The following SPTBN2 variants were observed in gnomAD, a reference collection of about 807,000 sequenced individuals.
SPTBN2 encodes spectrin beta chain, non-erythrocytic 2.
SPTBN2 carries 107 observed loss-of-function variants against 284.2 expected under a neutral mutation model. The ratio of observed to expected loss-of-function variants is 0.38; its 90% confidence interval spans 0.32 to 0.44. The LOEUF is 0.44. Among genes scored for constraint, SPTBN2 ranks in the 20% least tolerant of loss-of-function variants. SPTBN2 has a pLI of 1.00. For synonymous variants in SPTBN2, 1,289 were observed against 1,354.8 expected (o/e 0.95, Z 1.07); for missense variants, 2,569 against 3,287.1 (o/e 0.78, Z 5.34).
At chr11:66,690,010 G>A (rs372778830) in intron 28 of SPTBN2, 29 bp downstream of exon 28, 13 of 1,614,046 alleles carry the variant, frequency 8.1e-6, no homozygotes, top group Middle Eastern at 1.6e-4. Flanking sequence ...CACACAACCC[G>A]TGGAGGCCCT....
intron 27 of SPTBN2, among the ~76,000 whole-genome samples, chr11:66,690,907 T>C (rs1460089809): frequency 6.6e-6 from 1 of 152,170 alleles, no homozygotes; most frequent in Non-Finnish European, 1.5e-5. Context: ...AACCTCCGCC[T>C]CCTGGGTTCA....
At chr11:66,744,115 C>T (rs977771871) in intron 1 of SPTBN2, among the ~76,000 whole-genome samples, 1 of 152,192 alleles carries the variant, frequency 6.6e-6, no homozygotes, top group Non-Finnish European at 1.5e-5. Flanking sequence ...CTCGCTTCGG[C>T]CTCCAAAAGT....
At chr11:66,706,321 T>C (rs1256339736) in intron 13 of SPTBN2, among the ~76,000 whole-genome samples, 4 of 152,210 alleles carry the variant, frequency 2.6e-5, no homozygotes, top group African/African-American at 9.6e-5. Flanking sequence ...CAAAACCTTC[T>C]AATCACTTTA....
chr11:66,689,206 G>A, intron 29 of SPTBN2, 26 bp from the exon 30 acceptor site: 2 of 1,590,156 alleles, frequency 1.3e-6, no homozygotes, highest in East Asian at 2.3e-5. Context: ...AGAGATATGA[G>A]TTAGCACCAG....
chr11:66,686,968 C>T (rs371580792), intron 36 of SPTBN2, 26 bp downstream of exon 36: 1 of 1,613,406 alleles, frequency 6.2e-7, no homozygotes, highest in South Asian at 1.1e-5. Context: ...TCCTCCCATC[C>T]CGAGAGCACT....
At position 66,723,899 on chromosome 11, in the gene SPTBN2, G is replaced by A. The variant is rs112389525; in HGVS notation, c.-113-2459C>T. Among the ~76,000 whole-genome samples, 1,356 of 152,118 alleles carry A rather than the reference G, an allele frequency of 8.9e-3. 23 individuals carry two copies. The highest frequency in any genetic ancestry group is 0.03 in the African/African-American group (1,260 of 41,480). On this transcript the variant is annotated intron_variant, in intron 1 of 37. Transcript: ENST00000533211. Reference sequence around the variant, plus strand: ...GACCAAGTGTAATTCCATTTCTCTCGGCCTCTCAGATTAGTGCTTCCTAAC... The same window carrying A: ...GACCAAGTGTAATTCCATTTCTCTCAGCCTCTCAGATTAGTGCTTCCTAAC...
chr11:66,724,622 G>T (rs1590988406), intron 1 of SPTBN2, among the ~76,000 whole-genome samples: 2 of 152,156 alleles, frequency 1.3e-5, no homozygotes, highest in South Asian at 4.1e-4. Context: ...TGAGGCCCCT[G>T]TAAGCTGCAC....
Position 66,691,674 on chromosome 11 carries a change from G to A in SPTBN2, c.5191-16C>T, listed in dbSNP as rs765331772. The A allele has an allele frequency of 6.2e-7, 1 of 1,613,306 alleles. No individual in the cohort carries two copies. Among genetic ancestry groups the A allele is most frequent in the Non-Finnish European group, 8.5e-7 (1 of 1,180,032 alleles). Reference sequence around the variant, plus strand: ...CTCGGAGCATCTGGTAGAGGAAGCAGATGGACAGACCATGCCGTGATGTTA... The same window carrying A: ...CTCGGAGCATCTGGTAGAGGAAGCAAATGGACAGACCATGCCGTGATGTTA... On this transcript the variant is annotated splice_polypyrimidine_tract_variant and intron_variant, in intron 26 of 37. Coordinates refer to ENST00000533211, the MANE Select transcript of SPTBN2 (RefSeq NM_006946.4). The surrounding 1 kb of genome is among the most constrained non-coding windows in gnomAD (Gnocchi z 8.0).
chr11:66,715,392 T>C lies in SPTBN2; in HGVS notation c.313A>G (p.Lys105Glu). The C allele has an allele frequency of 6.2e-7, 1 of 1,611,446 alleles. No individual in the cohort carries two copies. The highest frequency in any genetic ancestry group is 8.5e-7 in the Non-Finnish European group (1 of 1,177,864). Residue 105 changes from lysine (K) to glutamate (E), a missense_variant, in exon 5 of 38, where the codon AAG becomes GAG. Coordinates refer to ENST00000533211, the MANE Select transcript of SPTBN2 (RefSeq NM_006946.4). The surrounding 1 kb of genome is among the most constrained non-coding windows in gnomAD (Gnocchi z 5.3). ...ATCCGCATGCGGCCCTTTGTAGGCTTTGGCTGTGGAGGGACGGGGGCAAAA... is the reference window on the plus strand; with the variant it reads ...ATCCGCATGCGGCCCTTTGTAGGCTCTGGCTGTGGAGGGACGGGGGCAAAA... ...LEVLSGEILPKPTKGRMRIHC... is the reference protein window; with the variant it reads ...LEVLSGEILPEPTKGRMRIHC...
intron 8 of SPTBN2, among the ~76,000 whole-genome samples, 155 bp downstream of exon 8, chr11:66,713,476 C>A (rs1196992989): frequency 6.6e-6 from 1 of 152,112 alleles, no homozygotes; most frequent in African/African-American, 2.4e-5. Flanking sequence ...ACCATCACCA[C>A]TTTCTAATTC....
chr11:66,691,838 T>C lies in SPTBN2; in HGVS notation c.5191-180A>G, dbSNP rs899274462. 6.6e-6 allele frequency among the ~76,000 whole-genome samples: 1 copy of C among 151,196 alleles called. No homozygotes were observed. Among genetic ancestry groups the C allele is most frequent in the South Asian group, 2.1e-4 (1 of 4,816 alleles). ...GCAGCTGCTTCCCACTGACCCTGTA[T>C]TTGACAGACTCCCTCCACCCCCAGC... On this transcript the variant is annotated intron_variant, in intron 26 of 37. Transcript: ENST00000533211. The surrounding 1 kb of genome is among the most constrained non-coding windows in gnomAD (Gnocchi z 8.0).
Position 66,705,070 on chromosome 11 carries a change from C to A in SPTBN2, c.2206G>T (p.Ala736Ser). The A allele has an allele frequency of 6.3e-7, 1 of 1,587,990 alleles. No homozygotes were observed. Among genetic ancestry groups the A allele is most frequent in the Middle Eastern group, 1.7e-4 (1 of 6,016 alleles). Reference sequence around the variant, plus strand: ...GCCAGCCGCTGGGCACGCTCCTCGGCCAGGGCCTCTAGCCGCTCCCACTGG... The same window carrying A: ...GCCAGCCGCTGGGCACGCTCCTCGGACAGGGCCTCTAGCCGCTCCCACTGG... The part of the protein sequence containing the change: ...QAQWERLEAL[A>S]EERAQRLAQA... Residue 736 changes from alanine (A) to serine (S), a missense_variant, in exon 15 of 38, where the codon GCC (alanine) becomes TCC (serine). Around this residue, in one of 6 missense-constraint regions of SPTBN2, gnomAD observed 1,012 missense variants for 1,248.9 expected, o/e 0.81. Transcript: ENST00000533211.
chr11:66,689,673 C>T (rs878874704), intron 29 of SPTBN2, 132 bp downstream of exon 29: 8 of 1,401,100 alleles, frequency 5.7e-6, no homozygotes, highest in South Asian at 3.5e-5. Context: ...GCGAGAAACC[C>T]GTGAATGGCA....
rs762361395 is a variant in SPTBN2, at chr11:66,701,111, G to A, written c.2988C>T (p.Ala996=). 1.2e-6 allele frequency: 2 copies of A among 1,612,894 alleles called. No homozygotes were observed. The highest frequency in any genetic ancestry group is 3.3e-5 in the Admixed American group (2 of 60,016). ...GLGNDLAGVL[A]LQRKLAGTER... is the part of the protein sequence containing the mutation. ...CCGTGCCGGCCAGCTTGCGCTGCAGGGCCAGCACCCCAGCCAGATCGTTGC... is the reference window on the plus strand; with the variant it reads ...CCGTGCCGGCCAGCTTGCGCTGCAGAGCCAGCACCCCAGCCAGATCGTTGC... Residue 996 remains alanine, a synonymous_variant, in exon 17 of 38, where the codon GCC becomes GCT. Coordinates refer to ENST00000533211, the MANE Select transcript of SPTBN2 (RefSeq NM_006946.4).
At chr11:66,695,130 G>A (rs1341983863) in intron 21 of SPTBN2, among the ~76,000 whole-genome samples, 2 of 151,534 alleles carry the variant, frequency 1.3e-5, no homozygotes, top group African/African-American at 4.9e-5. Context: ...CTTCCTGGGG[G>A]ACTCCTCAAC....
rs1265578480 is a variant in SPTBN2 at position 66,682,631 on chromosome 11, T to C, written c.*3240A>G. 6.6e-6 allele frequency among the ~76,000 whole-genome samples: 1 copy of C among 152,154 alleles called. No homozygotes were observed. The highest frequency in any genetic ancestry group is 1.5e-5 in the Non-Finnish European group (1 of 68,036). ...ATGCTTCATACCTGGTGTTTCAGAGTCATGACACACTTGGTTTGGCTACAT... is the reference window on the plus strand; with the variant it reads ...ATGCTTCATACCTGGTGTTTCAGAGCCATGACACACTTGGTTTGGCTACAT... On this transcript the variant is annotated 3_prime_UTR_variant, in exon 38 of 38. Transcript: ENST00000533211.
chr11:66,692,934 C>G, intron 25 of SPTBN2, 36 bp downstream of exon 25: 1 of 1,599,436 alleles, frequency 6.3e-7, no homozygotes, highest in Non-Finnish European at 8.5e-7. Context: ...CAGCCGGCTC[C>G]ACCCCCAGGC....
chr11:66,704,796 A>G lies in SPTBN2; in HGVS notation c.2480T>C (p.Val827Ala). 6.2e-7 allele frequency: 1 copy of G among 1,604,296 alleles called. No homozygotes were observed. The highest frequency in any genetic ancestry group is 1.7e-5 in the Admixed American group (1 of 59,808). The change falls in exon 15 of 38, where the codon GTG (valine) becomes GCG (alanine). Residue 827 changes from valine (V) to alanine (A), a missense_variant. Coordinates refer to ENST00000533211, the MANE Select transcript of SPTBN2 (RefSeq NM_006946.4). ...LSRTPEVQSR[V>A]PTLERHYEEL... ...CTCGTAGTGCCGCTCCAGGGTGGGCACCCGGCTCTGCACCTCGGGCGTGCG... is the reference window on the plus strand; with the variant it reads ...CTCGTAGTGCCGCTCCAGGGTGGGCGCCCGGCTCTGCACCTCGGGCGTGCG...
At chr11:66,744,660 C>T (rs1022573992) in exon 1 of SPTBN2, 1 of 481,686 alleles carries the variant, frequency 2.1e-6, no homozygotes, top group African/African-American at 2.0e-5. Flanking sequence ...TTCGCGGTCT[C>T]GGGGCCCTGC....
Sources: gnomAD v4.1 joint callset for allele counts (sites outside exome capture counted in the v4.1 genomes callset) on GRCh38, gnomAD v4.1.1 for gene constraint, gnomAD v4.1.1 regional missense constraint, Gnocchi (gnomAD v3.1) non-coding constraint, MANE v1.5 for transcripts, NCBI Gene and HGNC (gene_info 2026-07-23, HGNC 2026-07-21) for gene names.